NAV2: variants seen among roughly 807,000 people sequenced by gnomAD.
NAV2 encodes the protein helicase, APC down-regulated 1.
Under a neutral mutation model 223.2 loss-of-function variants are expected in NAV2, and 54 were observed. The observed-to-expected ratio is 0.24, with a 90% CI of 0.19 to 0.30. NAV2 has a LOEUF of 0.30. Ranked by LOEUF, NAV2 falls within the 10% of genes least tolerant of loss-of-function variation. The pLI is 1.00. For synonymous variants in NAV2, 1,279 were observed against 1,239.3 expected (o/e 1.03, Z -0.67); for missense variants, 2,806 against 3,147.5 (o/e 0.89, Z 2.60).
At chr11:19,800,579 A>C (rs1344597536) in intron 1 of NAV2, among the ~76,000 whole-genome samples, 2 of 152,256 alleles carry the variant, frequency 1.3e-5, no homozygotes, top group East Asian at 3.9e-4. Flanking sequence ...TGAATCTTAA[A>C]CCAAATTATC....
At chr11:19,657,174 T>C (rs1443676861) in intron 1 of NAV2, among the ~76,000 whole-genome samples, 1 of 152,048 alleles carries the variant, frequency 6.6e-6, no homozygotes, top group Non-Finnish European at 1.5e-5. Context: ...TGGATAGAGA[T>C]GAGTAAGACC....
chr11:19,960,589 T>TTTTATTTATTTATTTA lies in NAV2; in HGVS notation c.2645+11533_2645+11548dup, dbSNP rs5790101. 4.1e-3 allele frequency among the ~76,000 whole-genome samples: 586 copies of TTTTATTTATTTATTTA among 141,706 alleles called. 3 individuals carry two copies. Among genetic ancestry groups the TTTTATTTATTTATTTA allele is most frequent in the African/African-American group, 0.014 (541 of 38,778 alleles). 93.0% of individuals were successfully genotyped at this position (141,706 alleles called of 152,430 possible). On this transcript the variant is annotated intron_variant, in intron 10 of 37. Transcript: ENST00000349880. Reference sequence around the variant, plus strand: ...CCTTTAGGGCCACCCTTTTTTAAAATTTTATTTATTTATTTATTTATTTAT... The same window carrying TTTTATTTATTTATTTA: ...CCTTTAGGGCCACCCTTTTTTAAAATTTTATTTATTTATTTATTTATTTATTTATTTATTTATTTAT...
At position 19,914,998 on chromosome 11, in the gene NAV2, CT is replaced by C. The variant is rs1389758358; in HGVS notation, c.932-18177del. ...CTTTCTACTTTTCTCCCCTTCTCTC[CT>C]CTTTTTATACAGAGAAGTTTATCTC... is the stretch of plus-strand genomic sequence containing the variant. On this transcript the variant is annotated intron_variant, in intron 6 of 37. Transcript: ENST00000349880. Among the ~76,000 whole-genome samples the C allele has an allele frequency of 4.6e-5, 7 of 152,270 alleles. No homozygotes were observed. The East Asian group carries it at 1.4e-3, about 29-fold the overall frequency.
At chr11:19,656,440 T>C (rs571816182) in intron 1 of NAV2, among the ~76,000 whole-genome samples, 1 of 152,240 alleles carries the variant, frequency 6.6e-6, no homozygotes, top group African/African-American at 2.4e-5. Context: ...AAGGCCATTG[T>C]GGTGAAATGC....
intron 1 of NAV2, among the ~76,000 whole-genome samples, chr11:19,392,696 G>C (rs552735687): frequency 1.2e-4 from 19 of 152,176 alleles, no homozygotes; most frequent in African/African-American, 4.6e-4. Flanking sequence ...CCCATATAAC[G>C]GGGAGGGATA....
intron 37 of NAV2, among the ~76,000 whole-genome samples, chr11:20,116,857 G>A (rs1592242898): frequency 6.6e-6 from 1 of 152,290 alleles, no homozygotes; most frequent in Middle Eastern, 3.4e-3. Context: ...TCACTCATGA[G>A]ACTGAGACTT....
chr11:19,628,895 C>T (rs1157712047), intron 1 of NAV2, among the ~76,000 whole-genome samples: 1 of 152,176 alleles, frequency 6.6e-6, no homozygotes, highest in African/African-American at 2.4e-5. Context: ...GGCGCTCCCT[C>T]CCCGGTACTC....
At chr11:20,076,115 C>T (rs2059736481) in intron 22 of NAV2, among the ~76,000 whole-genome samples, 1 of 152,086 alleles carries the variant, frequency 6.6e-6, no homozygotes, top group Non-Finnish European at 1.5e-5. Context: ...TGAAAATAAC[C>T]CTGGGAGGAA....
rs765380099 is a variant in NAV2, at chr11:20,118,283, CCTCTT to C, written c.*29_*33del. 1 of 1,612,030 alleles carries C rather than the reference CCTCTT, an allele frequency of 6.2e-7. No homozygotes were observed. Among genetic ancestry groups the C allele is most frequent in the Non-Finnish European group, 8.5e-7 (1 of 1,179,400 alleles). On this transcript the variant is annotated 3_prime_UTR_variant, in exon 38 of 38. Coordinates refer to ENST00000349880, the MANE Select transcript of NAV2 (RefSeq NM_145117.5). ...ACAGGGGCCCGGAGCCCAGCGCCCT[CCTCTT>C]CTCCTCACCGCATTCCACCTGCATC...
At chr11:19,365,151 T>C (rs1395684717) in intron 1 of NAV2, among the ~76,000 whole-genome samples, 3 of 152,230 alleles carry the variant, frequency 2.0e-5, no homozygotes, top group African/African-American at 7.2e-5. Context: ...CAAATCTCAG[T>C]AAGACTGGCT....
chr11:20,112,311 C>T (rs2062701755), intron 36 of NAV2, among the ~76,000 whole-genome samples: 2 of 152,158 alleles, frequency 1.3e-5, no homozygotes, highest in Admixed American at 6.5e-5. Context: ...CTGAGACTCA[C>T]TCCTGCCCCA....
chr11:19,893,603 T>C (rs1179319998), intron 6 of NAV2, among the ~76,000 whole-genome samples: 1 of 152,194 alleles, frequency 6.6e-6, no homozygotes, highest in Non-Finnish European at 1.5e-5. Flanking sequence ...CCCCAAGAGT[T>C]TGCTAATCAC....
chr11:19,647,613 G>A (rs2047853683), intron 1 of NAV2, among the ~76,000 whole-genome samples: 1 of 152,252 alleles, frequency 6.6e-6, no homozygotes, highest in African/African-American at 2.4e-5. Context: ...CTTGCATCTG[G>A]ATCTTCCAGC....
At chr11:19,943,764 C>T (rs1056119583) in intron 8 of NAV2, among the ~76,000 whole-genome samples, 1 of 152,096 alleles carries the variant, frequency 6.6e-6, no homozygotes, top group South Asian at 2.1e-4. Context: ...GAAAATAGTC[C>T]TAGGCTTTTA....
intron 3 of NAV2, among the ~76,000 whole-genome samples, chr11:19,864,777 G>A (rs540762861): frequency 6.6e-6 from 1 of 152,306 alleles, no homozygotes; most frequent in Admixed American, 6.5e-5. Flanking sequence ...ACAAGGTGGA[G>A]GCCACATTTG....
chr11:20,037,144 C>T (rs554226701), intron 12 of NAV2, among the ~76,000 whole-genome samples: 1 of 152,234 alleles, frequency 6.6e-6, no homozygotes, highest in South Asian at 2.1e-4. Context: ...CTCCCATTTG[C>T]AGGCGCCACC....
intron 1 of NAV2, among the ~76,000 whole-genome samples, chr11:19,363,787 T>C (rs1854100646): frequency 6.6e-6 from 1 of 152,224 alleles, no homozygotes; most frequent in Non-Finnish European, 1.5e-5. Context: ...TCAGGTTTGA[T>C]GATTTGCTAG....
At chr11:19,598,329 G>A (rs7108227) in intron 1 of NAV2, among the ~76,000 whole-genome samples, 10,659 of 152,310 alleles carry the variant, frequency 0.07, 1,181 homozygotes, top group African/African-American at 0.24. Context: ...TCCGTGAGCC[G>A]AGGAAACTGT....
chr11:19,971,848 A>G (rs2049276898), intron 10 of NAV2, among the ~76,000 whole-genome samples: 1 of 152,186 alleles, frequency 6.6e-6, no homozygotes, highest in African/African-American at 2.4e-5. Flanking sequence ...GATTACAGGC[A>G]CGTGCCACTA....
Sources: allele counts gnomAD v4.1 joint callset (sites outside exome capture counted in the v4.1 genomes callset), GRCh38; gene constraint gnomAD v4.1.1; transcripts MANE v1.5; gene names NCBI Gene and HGNC (gene_info 2026-07-23, HGNC 2026-07-21).